Variants in RASGRF2 observed in about 807,000 individuals in gnomAD.
RASGRF2 encodes the protein ras-specific guanine nucleotide-releasing factor 2.
Under a neutral mutation model 151.0 loss-of-function variants are expected in RASGRF2, and 76 were observed. The ratio of observed to expected loss-of-function variants is 0.50; its 90% CI spans 0.42 to 0.61. The LOEUF (loss-of-function observed/expected upper bound fraction) is 0.61, where lower values mean the gene tolerates loss of function less well. Among genes scored for constraint, RASGRF2 ranks in the 20% least tolerant of loss-of-function variants. The pLI is 0.00. For synonymous variants in RASGRF2, 504 were observed against 566.5 expected, an observed-to-expected ratio of 0.89 and a Z score of 1.57; for missense variants, 1,148 against 1,564.6, an observed-to-expected ratio of 0.73 and a Z score of 4.49.
chr5:81,171,613 ATTTTCAAAGGCC>A (rs1403149683), intron 17 of RASGRF2, among the ~76,000 whole-genome samples: 7 of 151,918 alleles, frequency 4.6e-5, no homozygotes, highest in Middle Eastern at 3.2e-3. Flanking sequence ...CATTTGCTGT[ATTTTCAAAGGCC>A]TTTCTGAGTA....
Position 81,056,324 on chromosome 5 carries a change from T to G in RASGRF2, c.396-11708T>G, listed in dbSNP as rs1017588675. Among the ~76,000 whole-genome samples the G allele has an allele frequency of 1.7e-4, 26 of 152,354 alleles. No individual in the cohort carries two copies. The East Asian group carries it at 2.5e-3, about 15-fold the overall frequency. On this transcript the variant is annotated intron_variant, in intron 2 of 26. Coordinates refer to ENST00000265080, the MANE Select transcript of RASGRF2 (RefSeq NM_006909.3). ...ATGTGTCCGAGAGATTCTTGTATGT[T>G]GTGTCTTTGTTCTCATTGGTTTCAA...
chr5:81,016,593 A>C (rs567541560), intron 1 of RASGRF2, among the ~76,000 whole-genome samples: 2 of 152,224 alleles, frequency 1.3e-5, no homozygotes, highest in Admixed American at 6.5e-5. Context: ...GGATGCAGCC[A>C]AACTCCATGA....
In RASGRF2 at chr5:81,074,669, C is replaced by T. The variant is rs528890719; in HGVS notation, c.887+1217C>T. On this transcript the variant is annotated intron_variant, in intron 5 of 26. Transcript: ENST00000265080. ...TTCTGAAGATCTTTCCATATTGATA[C>T]CTAAAGAGCATTCTATTAAAAAAAA... Among the ~76,000 whole-genome samples, 26 of 152,028 alleles carry T rather than the reference C, an allele frequency of 1.7e-4. No homozygotes were observed. The South Asian group carries it at 5.2e-3, about 30-fold the overall frequency.
chr5:81,016,141 A>G lies in RASGRF2; in HGVS notation c.289-26736A>G, dbSNP rs562649625. On this transcript the variant is annotated intron_variant, in intron 1 of 26. Coordinates refer to ENST00000265080, the MANE Select transcript of RASGRF2 (RefSeq NM_006909.3). ...CTGGGAGTGGGGTGAAGAGAATCAT[A>G]TAGATCAAATGTTATCTTCCACGTC... Among the ~76,000 whole-genome samples, 11 of 152,324 alleles carry G rather than the reference A, an allele frequency of 7.2e-5. No homozygotes were observed. The South Asian group carries it at 1.7e-3, about 23-fold the overall frequency.
chr5:81,178,152 A>C (rs990605888), intron 17 of RASGRF2, among the ~76,000 whole-genome samples: 4 of 152,346 alleles, frequency 2.6e-5, no homozygotes, highest in African/African-American at 9.6e-5. Context: ...GTTACAGGAG[A>C]CCAGAGGCTA....
chr5:81,073,470 T>A lies in RASGRF2; in HGVS notation c.887+18T>A. The A allele has an allele frequency of 1.2e-6, 2 of 1,604,374 alleles. No homozygotes were observed. The highest frequency in any genetic ancestry group is 2.2e-5 in the South Asian group (2 of 89,402). On this transcript the variant is annotated intron_variant, in intron 5 of 26. Transcript: ENST00000265080. ...CTTAACAGGTTTGACATTGCATAAA[T>A]CAAAGAGTTATGAGAAAAACCCCTT...
chr5:81,058,775 CAAAAAAAA>C (rs56875865), intron 2 of RASGRF2, among the ~76,000 whole-genome samples: 22 of 70,112 alleles, frequency 3.1e-4, no homozygotes, highest in South Asian at 6.8e-4. Context: ...GGCCCTGTAT[CAAAAAAAA>C]AAAAAAAAAA....
At chr5:81,189,691 G>A (rs1250688286) in intron 18 of RASGRF2, among the ~76,000 whole-genome samples, 1 of 147,874 alleles carries the variant, frequency 6.8e-6, no homozygotes, top group Non-Finnish European at 1.5e-5. Flanking sequence ...CATGTCAGAG[G>A]ATAATCGATG....
At chr5:81,187,313 T>A (rs1233446121) in intron 18 of RASGRF2, among the ~76,000 whole-genome samples, 4 of 152,204 alleles carry the variant, frequency 2.6e-5, no homozygotes, top group Admixed American at 6.5e-5. Context: ...TGTTATTGAA[T>A]GGAATTAAAT....
intron 15 of RASGRF2, among the ~76,000 whole-genome samples, chr5:81,120,671 G>C (rs929162686): frequency 3.3e-5 from 5 of 152,202 alleles, no homozygotes; most frequent in African/African-American, 1.2e-4. Context: ...GTGTGGCCAA[G>C]TGTATGGTTA....
At chr5:81,007,978 A>G (rs1749326317) in intron 1 of RASGRF2, among the ~76,000 whole-genome samples, 2 of 152,088 alleles carry the variant, frequency 1.3e-5, no homozygotes. Flanking sequence ...TCCCAGGACC[A>G]TCCAGCAATA....
intron 17 of RASGRF2, among the ~76,000 whole-genome samples, chr5:81,156,818 T>A (rs544403520): frequency 3.9e-5 from 6 of 152,234 alleles, no homozygotes; most frequent in African/African-American, 1.4e-4. Flanking sequence ...TGGAGTATCT[T>A]TAAAATGCAA....
intron 12 of RASGRF2, 109 bp from the exon 13 acceptor site, chr5:81,108,877 TGTGTAAGAGA>T: frequency 1.1e-6 from 1 of 902,574 alleles, no homozygotes; most frequent in Non-Finnish European, 1.5e-6. Flanking sequence ...TGTGTGTGTG[TGTGTAAGAGA>T]CAGGGAGAGA....
At chr5:81,069,435 G>A (rs1401950231) in intron 3 of RASGRF2, among the ~76,000 whole-genome samples, 3 of 152,216 alleles carry the variant, frequency 2.0e-5, no homozygotes, top group Non-Finnish European at 4.4e-5. Context: ...TTCTTTCTTA[G>A]CCACTGTAAG....
rs10606038 is a variant in RASGRF2, at chr5:81,108,834, CTGTGTGTGTGTGTGTGTGTG to C, written c.1756-134_1756-115del. 1.3e-3 allele frequency among the ~76,000 whole-genome samples: 186 copies of C among 139,910 alleles called. 2 individuals are homozygous for C. The Middle Eastern group carries it at 0.022, about 16-fold the overall frequency. The allele number at this position is 139,910 out of a possible 152,430, so 91.8% of individuals were successfully genotyped here. ...CATCAGTGTATAATATTTACCTACT[CTGTGTGTGTGTGTGTGTGTG>C]TGTGTGTGTGTGTGTGTGTGTGTGT... On this transcript the variant is annotated intron_variant, in intron 12 of 26. Coordinates refer to ENST00000265080, the MANE Select transcript of RASGRF2 (RefSeq NM_006909.3).
chr5:81,059,799 G>A (rs1250419946), intron 2 of RASGRF2, among the ~76,000 whole-genome samples: 5 of 151,990 alleles, frequency 3.3e-5, no homozygotes, highest in Non-Finnish European at 5.9e-5. Flanking sequence ...AGCTGAGATC[G>A]CGCCACTCCA....
At chr5:81,151,777 C>T (rs532495623) in intron 17 of RASGRF2, among the ~76,000 whole-genome samples, 54 of 152,280 alleles carry the variant, frequency 3.5e-4, no homozygotes, top group Non-Finnish European at 6.2e-4. Flanking sequence ...TAGGAAGCAA[C>T]TTGGACCATA....
At chr5:81,124,274 A>G (rs1463759694) in intron 16 of RASGRF2, among the ~76,000 whole-genome samples, 3 of 152,222 alleles carry the variant, frequency 2.0e-5, no homozygotes. Context: ...TTACTGTAGG[A>G]CCAAGTGGTG....
At chr5:81,054,497 G>A (rs1751131373) in intron 2 of RASGRF2, among the ~76,000 whole-genome samples, 2 of 124,076 alleles carry the variant, frequency 1.6e-5, no homozygotes. Flanking sequence ...CTCTGTTTTG[G>A]TACCAGTACC....
Sources: gnomAD v4.1 joint callset for allele counts (sites outside exome capture counted in the v4.1 genomes callset) on GRCh38, gnomAD v4.1.1 for gene constraint, MANE v1.5 for transcripts, NCBI Gene and HGNC (gene_info 2026-07-23, HGNC 2026-07-21) for gene names.